The following C3orf52 variants were observed in gnomAD, a reference collection of about 807,000 sequenced individuals.
C3orf52 encodes chromosome 3 open reading frame 52, also known as TPA-induced transmembrane protein.
In C3orf52, 22 loss-of-function variants were observed where a neutral mutation model predicts 24.8. That is an observed-to-expected ratio of 0.89 (90% CI 0.63 to 1.27). The LOEUF is 1.27. Ranked by LOEUF, C3orf52 falls within the 50% of genes most tolerant of loss-of-function variation. The pLI, the probability that C3orf52 is intolerant of heterozygous loss-of-function variation, is 0.00. For missense variants in C3orf52, 265 were observed against 260.7 expected (o/e 1.02, Z -0.11); for synonymous variants, 93 against 100.2 (o/e 0.93, Z 0.43).
At position 112,086,462 on chromosome 3, in the gene C3orf52, G is replaced by A; in HGVS notation, c.55G>A (p.Glu19Lys). The A allele has an allele frequency of 6.4e-7, 1 of 1,551,482 alleles. No homozygotes were observed. The change falls in exon 1 of 6, where the codon GAG becomes AAG. Residue 19 changes from glutamate to lysine, a missense_variant. Transcript: ENST00000264848. ...PVDELELSVL[E>K]RQPEENTPLN... is the part of the protein sequence containing the mutation. ...AGACGAGCTGGAGCTCTCGGTGCTC[G>A]AGCGGCAGCCAGAAGAGAACACGCC...
chr3:112,123,318 C>T, intron 4 of C3orf52: 2 of 1,468,364 alleles, frequency 1.4e-6, no homozygotes, highest in Non-Finnish European at 1.8e-6. Flanking sequence ...TTGTGGTATA[C>T]AAACCATGCT....
chr3:112,109,490 G>A, intron 3 of C3orf52, 53 bp from the exon 4 acceptor site: 5 of 1,181,024 alleles, frequency 4.2e-6, no homozygotes, highest in Non-Finnish European at 6.2e-6. Context: ...CAGGTGATGT[G>A]TAATATGATC....
intron 3 of C3orf52, among the ~76,000 whole-genome samples, chr3:112,105,539 CGTGTGTGTGT>C (rs3082397): frequency 4.0e-5 from 6 of 148,230 alleles, no homozygotes; most frequent in East Asian, 2.0e-4. Flanking sequence ...CTTCTTTGGC[CGTGTGTGTGT>C]GTGTGTGTGT....
intron 5 of C3orf52, among the ~76,000 whole-genome samples, chr3:112,116,153 A>C (rs767920149): frequency 6.6e-6 from 1 of 152,162 alleles, no homozygotes; most frequent in African/African-American, 2.4e-5. Flanking sequence ...CAGTCCTGTC[A>C]GTGGTGGCGA....
At chr3:112,130,261 A>C (rs1170299730), downstream of C3orf52, 2 of 611,440 alleles carry the variant, frequency 3.3e-6, no homozygotes, top group East Asian at 5.3e-5. Flanking sequence ...CTAGCAAAGT[A>C]GCATATCTCC....
chr3:112,131,956 G>T (rs898900244), downstream of C3orf52, among the ~76,000 whole-genome samples: 5 of 151,952 alleles, frequency 3.3e-5, no homozygotes, highest in Admixed American at 3.3e-4. Flanking sequence ...AAATTTTAAA[G>T]TAAAAAAATT....
rs2074155706 is a variant in C3orf52 at position 112,118,146 on chromosome 3, A to C, written c.*1500A>C. On this transcript the variant is annotated 3_prime_UTR_variant, in exon 6 of 6. Transcript: ENST00000264848. ...CTTAGTGTATTTGTATTTTGTAGAA[A>C]ATAATGAAAAATTTTAATGGAGAAT... is the stretch of plus-strand genomic sequence containing the variant. 2 of 152,248 alleles carry C rather than the reference A, an allele frequency of 1.3e-5. No homozygotes were observed. The highest frequency in any genetic ancestry group is 4.8e-5 in the African/African-American group (2 of 41,456). 9.4% of individuals were successfully genotyped at this position (152,248 alleles called of 1,614,324 possible). A position where few individuals can be genotyped will look rare whatever the true frequency, so the allele number is the denominator to read the frequency against.
At chr3:112,087,710 A>G (rs2073842380) in intron 1 of C3orf52, among the ~76,000 whole-genome samples, 1 of 152,274 alleles carries the variant, frequency 6.6e-6, no homozygotes, top group African/African-American at 2.4e-5. Context: ...TTGAACAAAG[A>G]TAGTCTGGTC....
chr3:112,098,630 C>T (rs376291250), intron 2 of C3orf52, among the ~76,000 whole-genome samples: 3 of 152,284 alleles, frequency 2.0e-5, no homozygotes, highest in African/African-American at 7.2e-5. Context: ...GCTACTATAA[C>T]AGAATATCAT....
chr3:112,103,655 C>T lies in C3orf52; in HGVS notation c.396+690C>T, dbSNP rs373584032. On this transcript the variant is annotated intron_variant, in intron 3 of 5. Transcript: ENST00000264848. ...GTGTGGTATGTTCTAGTGTGTTGTA[C>T]AGTGGCAAAGGAGGGGCATCTGAGC... Among the ~76,000 whole-genome samples the T allele has an allele frequency of 6.6e-5, 10 of 152,182 alleles. No homozygotes were observed. In the East Asian group the frequency reaches 1.7e-3, roughly 26 times the overall value.
At chr3:112,119,694 T>C (rs1041429709), downstream of C3orf52, 4 of 575,202 alleles carry the variant, frequency 7.0e-6, no homozygotes, top group African/African-American at 7.6e-5. Context: ...CCATCACTCT[T>C]TCATTGCTTT....
chr3:112,114,117 AG>A (rs1236942048), intron 5 of C3orf52, among the ~76,000 whole-genome samples: 3 of 151,978 alleles, frequency 2.0e-5, no homozygotes, highest in Admixed American at 6.6e-5. Context: ...AGCATGGAAC[AG>A]GGGGTTAAAA....
intron 1 of C3orf52, among the ~76,000 whole-genome samples, chr3:112,090,146 C>G (rs1470443697): frequency 6.6e-6 from 1 of 152,096 alleles, no homozygotes; most frequent in Non-Finnish European, 1.5e-5. Context: ...GTGTCACAGG[C>G]TCTTCACCCT....
At chr3:112,116,614 C>G in intron 5 of C3orf52, 28 bp from the exon 6 acceptor site, 1 of 1,523,058 alleles carries the variant, frequency 6.6e-7, no homozygotes. Context: ...AAATCAGTAA[C>G]TTTTGTTCAT....
chr3:112,107,019 G>A (rs1306500203), intron 3 of C3orf52, among the ~76,000 whole-genome samples: 1 of 152,210 alleles, frequency 6.6e-6, no homozygotes, highest in Non-Finnish European at 1.5e-5. Context: ...AAAGTGGACA[G>A]TGTGACTAAC....
At chr3:112,106,264 CTT>C (rs11299002) in intron 3 of C3orf52, among the ~76,000 whole-genome samples, 2 of 151,272 alleles carry the variant, frequency 1.3e-5, no homozygotes, top group Admixed American at 1.3e-4. Flanking sequence ...TCTTCTTCTT[CTT>C]TTTTTTTTCT....
chr3:112,132,643 G>T, downstream of C3orf52: 2 of 986,878 alleles, frequency 2.0e-6, no homozygotes, highest in South Asian at 4.7e-5. Flanking sequence ...TTACCTGCTT[G>T]CAGGGAGTGC....
chr3:112,126,503 C>A (rs960609933), intron 4 of C3orf52, among the ~76,000 whole-genome samples: 6 of 152,142 alleles, frequency 3.9e-5, no homozygotes, highest in African/African-American at 1.4e-4. Flanking sequence ...TCTGCTCTTC[C>A]GGCTCCTTGC....
chr3:112,103,501 A>T (rs1272542692), intron 3 of C3orf52, among the ~76,000 whole-genome samples: 1 of 152,126 alleles, frequency 6.6e-6, no homozygotes, highest in Non-Finnish European at 1.5e-5. Flanking sequence ...ATTTAATTCA[A>T]CCTATAGTAT....
Sources: allele counts gnomAD v4.1 joint callset (sites outside exome capture counted in the v4.1 genomes callset), GRCh38; gene constraint gnomAD v4.1.1; transcripts MANE v1.5; gene names NCBI Gene and HGNC (gene_info 2026-07-23, HGNC 2026-07-21).